Variants in DLG5 observed in about 807,000 individuals in gnomAD.
DLG5 encodes the protein disks large homolog 5.
DLG5 carries 48 observed loss-of-function variants against 189.8 expected under a neutral mutation model. The ratio of observed to expected loss-of-function variants is 0.25; its 90% CI spans 0.20 to 0.32. The LOEUF is 0.32. DLG5 is among the 10% of genes least tolerant of loss of function. The pLI, the probability that DLG5 is intolerant of heterozygous loss-of-function variation, is 1.00. For synonymous variants in DLG5, 1,016 were observed against 1,054.1 expected (o/e 0.96, Z 0.70); for missense variants, 2,160 against 2,544.7 (o/e 0.85, Z 3.25).
chr10:77,808,016 G>C (rs77266162), intron 24 of DLG5, 72 bp from the exon 25 acceptor site: 45,660 of 1,570,882 alleles, frequency 0.029, 1,289 homozygotes, highest in East Asian at 0.18. Context: ...AGAGGGGCCA[G>C]TGCTGACCAT....
At chr10:77,890,306 C>T (rs1845568659) in intron 1 of DLG5, among the ~76,000 whole-genome samples, 1 of 152,194 alleles carries the variant, frequency 6.6e-6, no homozygotes, top group South Asian at 2.1e-4. Flanking sequence ...CCAAGGTCTA[C>T]CTGTCCTACC....
At chr10:77,933,678 C>T in the DLG5 span, among the ~76,000 whole-genome samples, 8 of 151,042 alleles carry the variant, frequency 5.3e-5, no homozygotes, top group African/African-American at 9.7e-5. Flanking sequence ...GAGGAGAGAT[C>T]GTGCCACTGC....
At chr10:77,918,017 T>C (rs1195910357) in intron 1 of DLG5, among the ~76,000 whole-genome samples, 6 of 141,080 alleles carry the variant, frequency 4.3e-5, no homozygotes, top group African/African-American at 1.7e-4. Context: ...AAACTCTGTC[T>C]CAAAAAAAAA....
In DLG5 at chr10:77,830,839, G is replaced by C. The variant is rs559729198; in HGVS notation, c.1783C>G (p.Arg595Gly). The change falls in exon 10 of 32, where the codon CGG (arginine) becomes GGG (glycine). Residue 595 changes from arginine to glycine, a missense_variant. Physicochemically the swap from Arg to Gly is moderately radical, Grantham distance 125. Transcript: ENST00000372391. The stretch of plus-strand genomic sequence containing the variant: ...CTGTGGGCCATCAGCTGTCGGAACC[G>C]GGCCTCCTTTTCCAACTGGGATTCC... ...QMESQLEKEARFRQLMAHSSH... is the reference protein window; with the variant it reads ...QMESQLEKEAGFRQLMAHSSH... 6.2e-7 allele frequency: 1 copy of C among 1,614,112 alleles called. No individual in the cohort carries two copies. The highest frequency in any genetic ancestry group is 1.1e-5 in the South Asian group (1 of 91,068).
At chr10:77,867,182 G>A (rs1276087505) in intron 2 of DLG5, 1 of 423,980 alleles carries the variant, frequency 2.4e-6, no homozygotes, top group Admixed American at 2.5e-5. Flanking sequence ...AGCTGCCCAA[G>A]AAATATCTTC....
intron 1 of DLG5, among the ~76,000 whole-genome samples, chr10:77,876,218 G>A (rs1024282699): frequency 6.6e-5 from 10 of 151,896 alleles, no homozygotes; most frequent in African/African-American, 1.5e-4. Flanking sequence ...ATTTCTGGTC[G>A]TTATAAGAAC....
Position 77,817,828 on chromosome 10 carries a change from C to T in DLG5, c.3733G>A (p.Glu1245Lys), listed in dbSNP as rs773588623. 19 of 1,555,254 alleles carry T rather than the reference C, an allele frequency of 1.2e-5. No homozygotes were observed. The highest frequency in any genetic ancestry group is 1.6e-5 in the Non-Finnish European group (18 of 1,148,852). The change falls in exon 18 of 32, where the codon GAG becomes AAG. Residue 1245 changes from glutamate to lysine, a missense_variant. By Grantham distance (56) the Glu-to-Lys change is moderately conservative. This residue lies in a region of DLG5 where 754 missense variants were observed against 746.5 expected (regional missense o/e 1.01). Coordinates refer to ENST00000372391, the MANE Select transcript of DLG5 (RefSeq NM_004747.4). ...LSHRTCSDYS[E>K]MRATHGSNSL... is the part of the protein sequence containing the mutation. The stretch of plus-strand genomic sequence containing the variant: ...TTGGACCCATGGGTGGCTCTCATCT[C>T]GGAGTAGTCGCTGCAGGTCCTGTGG...
intron 5 of DLG5, among the ~76,000 whole-genome samples, chr10:77,849,982 G>A (rs2154576570): frequency 6.6e-6 from 1 of 152,352 alleles, no homozygotes; most frequent in South Asian, 2.1e-4. Context: ...TTACAGGTGT[G>A]AGCCACTGTA....
rs1037717869 is a variant in DLG5 at position 77,796,071 on chromosome 10, A to G, written c.5426T>C (p.Ile1809Thr). The change falls in exon 29 of 32, where the codon ATC becomes ACC. Residue 1809 changes from isoleucine to threonine, a missense_variant. By Grantham distance (89) the Ile-to-Thr change is moderately conservative. Around this residue, in one of 5 missense-constraint regions of DLG5, gnomAD observed 574 missense variants for 644.2 expected, o/e 0.89. Coordinates refer to ENST00000372391, the MANE Select transcript of DLG5 (RefSeq NM_004747.4). This position sits in a 1 kb window ranked among gnomAD's most constrained non-coding sequence, Gnocchi z 5.2. ...TGAAGCCCTGGGTACCTTTTCTGTG[A>G]TCTCCTTTATTGACGCCACAGTGGT... ...DVTTVASIKE[I>T]TEKNRHCLLD... 5 of 1,614,000 alleles carry G rather than the reference A, an allele frequency of 3.1e-6. No individual in the cohort carries two copies. Among genetic ancestry groups the G allele is most frequent in the Admixed American group, 1.7e-5 (1 of 60,002 alleles).
In DLG5 at chr10:77,816,674, G is replaced by A. The variant is rs778850183; in HGVS notation, c.3902C>T (p.Thr1301Ile). ...RGSVSHSECS[T>I]PPQSPLNIDT... ...GATGTTCAGGGGTGACTGTGGAGGA[G>A]TGCTGCATTCAGAATGTGACACTGA... Residue 1301 changes from threonine (T) to isoleucine (I), a missense_variant, in exon 20 of 32, where the codon ACT (threonine) becomes ATT (isoleucine). By Grantham distance (89) the Thr-to-Ile change is moderately conservative. Around this residue, in one of 5 missense-constraint regions of DLG5, gnomAD observed 754 missense variants for 746.5 expected, o/e 1.01. Transcript: ENST00000372391. 1 of 1,612,816 alleles carries A rather than the reference G, an allele frequency of 6.2e-7. No individual in the cohort carries two copies. The highest frequency in any genetic ancestry group is 1.7e-4 in the Middle Eastern group (1 of 6,054).
At chr10:77,833,369 C>T (rs1272547902) in intron 9 of DLG5, among the ~76,000 whole-genome samples, 5 of 152,002 alleles carry the variant, frequency 3.3e-5, no homozygotes, top group African/African-American at 4.8e-5. Flanking sequence ...CACAATCTGT[C>T]GTCATCTTAC....
chr10:77,894,889 G>A (rs774286355), intron 1 of DLG5, among the ~76,000 whole-genome samples: 6 of 152,114 alleles, frequency 3.9e-5, no homozygotes, highest in South Asian at 4.1e-4. Context: ...GTCTTGTACC[G>A]GTCTCTGTTC....
At chr10:77,866,290 A>C (rs1160106492) in intron 2 of DLG5, among the ~76,000 whole-genome samples, 1 of 152,188 alleles carries the variant, frequency 6.6e-6, no homozygotes, top group Admixed American at 6.5e-5. Context: ...CCCATCTCAA[A>C]CTGGAGGGCT....
At chr10:77,863,067 T>C (rs539607224) in intron 2 of DLG5, among the ~76,000 whole-genome samples, 2 of 152,294 alleles carry the variant, frequency 1.3e-5, no homozygotes, top group African/African-American at 2.4e-5. Context: ...ATGTAAATTA[T>C]ATCTCAATGA....
chr10:77,884,643 AG>A (rs1447284062), intron 1 of DLG5, among the ~76,000 whole-genome samples: 2 of 152,200 alleles, frequency 1.3e-5, no homozygotes, highest in African/African-American at 4.8e-5. Context: ...CTGTGACTCA[AG>A]GAGCGCTCAG....
At chr10:77,797,779 A>C (rs1840997239) in intron 27 of DLG5, among the ~76,000 whole-genome samples, 1 of 152,196 alleles carries the variant, frequency 6.6e-6, no homozygotes, top group Non-Finnish European at 1.5e-5. Flanking sequence ...AGGAGAACAC[A>C]AGCACAGTGC....
intron 1 of DLG5, among the ~76,000 whole-genome samples, chr10:77,914,022 A>T (rs925679028): frequency 2.6e-5 from 4 of 152,216 alleles, no homozygotes; most frequent in African/African-American, 9.6e-5. Flanking sequence ...GGGATCAAAG[A>T]GAATCAGGTC....
intron 1 of DLG5, among the ~76,000 whole-genome samples, chr10:77,888,145 T>C (rs1012730445): frequency 2.6e-5 from 4 of 152,228 alleles, no homozygotes; most frequent in African/African-American, 7.2e-5. Context: ...TTTTTGTCCA[T>C]GGTGACTACA....
At chr10:77,909,608 C>T (rs922750444) in intron 1 of DLG5, among the ~76,000 whole-genome samples, 1 of 152,096 alleles carries the variant, frequency 6.6e-6, no homozygotes, top group African/African-American at 2.4e-5. Context: ...TTCTCTCTCC[C>T]TGGGCTCACA....
Sources: allele counts gnomAD v4.1 joint callset (sites outside exome capture counted in the v4.1 genomes callset), GRCh38; gene constraint gnomAD v4.1.1; regional missense constraint gnomAD v4.1.1; non-coding constraint Gnocchi (gnomAD v3.1); transcripts MANE v1.5; gene names NCBI Gene and HGNC (gene_info 2026-07-23, HGNC 2026-07-21).